Variants in DNM2 observed in about 807,000 individuals in gnomAD.
DNM2 encodes dynamin-2.
DNM2 carries 15 observed loss-of-function variants against 99.0 expected under a neutral mutation model. That is an observed-to-expected ratio of 0.15 (90% confidence interval 0.10 to 0.23). The LOEUF is 0.23. Ranked by LOEUF, DNM2 falls within the 10% of genes least tolerant of loss-of-function variation. The pLI is 1.00. For synonymous variants in DNM2, 525 were observed against 481.2 expected (o/e 1.09, Z -1.19); for missense variants, 742 against 1,189.4 (o/e 0.62, Z 5.53).
Position 10,831,029 on chromosome 19 carries a change from G to T in DNM2, c.2595G>T (p.Glu865Asp). 6.2e-7 allele frequency: 1 copy of T among 1,610,518 alleles called. No individual in the cohort carries two copies. The highest frequency in any genetic ancestry group is 8.5e-7 in the Non-Finnish European group (1 of 1,178,484). The change falls in exon 21 of 21, where the codon GAG becomes GAT. Residue 865 changes from glutamate (E) to aspartate (D), a missense_variant. Around this residue, in one of 7 missense-constraint regions of DNM2, gnomAD observed 187 missense variants for 218.8 expected, o/e 0.85. Transcript: ENST00000389253. The surrounding 1 kb of genome is among the most constrained non-coding windows in gnomAD (Gnocchi z 4.3). ...PSRPTIIRPAEPSLLD is the reference protein window; with the variant it reads ...PSRPTIIRPADPSLLD The stretch of plus-strand genomic sequence containing the variant: ...GGCCCACCATTATCCGCCCAGCCGA[G>T]CCATCCCTGCTCGACTAGGCCTCGA...
chr19:10,766,709 C>G (rs2070808820), intron 2 of DNM2, among the ~76,000 whole-genome samples: 9 of 151,998 alleles, frequency 5.9e-5, no homozygotes, highest in Admixed American at 5.9e-4. Flanking sequence ...GAACCTCTCT[C>G]TGGAAAAACC....
In DNM2 at chr19:10,816,753, T is replaced by C. The variant is rs1249699823; in HGVS notation, c.1672-3227T>C. 6.6e-6 allele frequency among the ~76,000 whole-genome samples: 1 copy of C among 152,224 alleles called. No homozygotes were observed. Among genetic ancestry groups the C allele is most frequent in the East Asian group, 1.9e-4 (1 of 5,198 alleles). On this transcript the variant is annotated intron_variant, in intron 15 of 20. Coordinates refer to ENST00000389253, the MANE Select transcript of DNM2 (RefSeq NM_001005361.3). The surrounding 1 kb of genome is among the most constrained non-coding windows in gnomAD (Gnocchi z 4.6). ...AATGCCAGGCCTGGGGCAGCGAGCC[T>C]TGGAGGAGCCTCTGGGCCTGAACCT...
chr19:10,770,755 A>G (rs2070946580), intron 2 of DNM2, among the ~76,000 whole-genome samples: 1 of 152,162 alleles, frequency 6.6e-6, no homozygotes, highest in Non-Finnish European at 1.5e-5. Context: ...TAAAACCATC[A>G]GATCTCGTGA....
chr19:10,798,451 C>A lies in DNM2; in HGVS notation c.1336-35C>A, dbSNP rs759153023. On this transcript the variant is annotated intron_variant, in intron 10 of 20. Coordinates refer to ENST00000389253, the MANE Select transcript of DNM2 (RefSeq NM_001005361.3). ...CATGTTGCTTCCCGTGCCACGAGGA[C>A]CCCGCCAATGCGACCACTCTGCTTG... 4.3e-6 allele frequency: 7 copies of A among 1,610,418 alleles called. No homozygotes were observed. In the East Asian group the frequency reaches 1.6e-4, roughly 36 times the overall value.
In DNM2 at chr19:10,811,440, G is replaced by T. The variant is rs2072540899; in HGVS notation, c.1558-824G>T. ...CCTGCCATGCCCTGCACTGGGGGAT[G>T]CAGGCCAGCCCTTCGCAGCTGTCCA... On this transcript the variant is annotated intron_variant, in intron 14 of 20. Transcript: ENST00000389253. This position sits in a 1 kb window ranked among gnomAD's most constrained non-coding sequence, Gnocchi z 5.4. 1 of 340,754 alleles carries T rather than the reference G, an allele frequency of 2.9e-6. No homozygotes were observed. The highest frequency in any genetic ancestry group is 5.8e-6 in the Non-Finnish European group (1 of 171,308). The allele number at this position is 340,754 out of a possible 1,614,324, so 21.1% of individuals were successfully genotyped here.
chr19:10,819,649 T>C (rs904890848), intron 15 of DNM2, among the ~76,000 whole-genome samples: 8 of 151,876 alleles, frequency 5.3e-5, no homozygotes, highest in African/African-American at 1.9e-4. Context: ...TGACGTGTTG[T>C]GTGAGGGAAA....
chr19:10,820,779 C>A lies in DNM2; in HGVS notation c.1781+690C>A, dbSNP rs535681886. 1.3e-5 allele frequency among the ~76,000 whole-genome samples: 2 copies of A among 152,322 alleles called. No individual in the cohort carries two copies. Among genetic ancestry groups the A allele is most frequent in the South Asian group, 4.1e-4 (2 of 4,830 alleles). On this transcript the variant is annotated intron_variant, in intron 16 of 20. Transcript: ENST00000389253. This position sits in a 1 kb window ranked among gnomAD's most constrained non-coding sequence, Gnocchi z 4.3. ...GCTCCAGTCTGGGATGTGAACTGGG[C>A]AGTCACCATTGCGTGGATGGTATTT...
At chr19:10,791,204 T>C (rs566975476) in intron 7 of DNM2, among the ~76,000 whole-genome samples, 9 of 152,280 alleles carry the variant, frequency 5.9e-5, no homozygotes, top group African/African-American at 2.2e-4. Flanking sequence ...TTCTTCTGCC[T>C]CAGCCACCTG....
rs202214529 is a variant in DNM2 at position 10,783,021 on chromosome 19, A to G, written c.750A>G (p.Ala250=). ...TTGAGGGCAAGAAGGACATCCGTGC[A>G]GCACTGGCAGCTGAGAGGAAGTTCT... ...KDIEGKKDIR[A]ALAAERKFFL... The change falls in exon 6 of 21, where the codon GCA becomes GCG. Residue 250 remains alanine (A), a synonymous_variant. Coordinates refer to ENST00000389253, the MANE Select transcript of DNM2 (RefSeq NM_001005361.3). 155 of 1,614,016 alleles carry G rather than the reference A, an allele frequency of 9.6e-5. No homozygotes were observed. The highest frequency in any genetic ancestry group is 1.3e-4 in the Non-Finnish European group (153 of 1,180,062).
intron 1 of DNM2, among the ~76,000 whole-genome samples, chr19:10,720,934 A>T (rs1425042286): frequency 3.3e-5 from 5 of 152,100 alleles, no homozygotes. Flanking sequence ...AGAGCAGGAA[A>T]CTGAGGCTCA....
Position 10,828,860 on chromosome 19 carries a change from G to A in DNM2, c.2059-176G>A, listed in dbSNP as rs554188569. 1.3e-3 allele frequency: 859 copies of A among 649,676 alleles called. 7 individuals carry two copies. Among genetic ancestry groups the A allele is most frequent in the Non-Finnish European group, 4.3e-4 (159 of 368,464 alleles). The allele number at this position is 649,676 out of a possible 1,614,324, so 40.2% of individuals were successfully genotyped here. On this transcript the variant is annotated intron_variant, in intron 18 of 20. Coordinates refer to ENST00000389253, the MANE Select transcript of DNM2 (RefSeq NM_001005361.3). ...TAATTACTTGAACCCGGGAGGCGGA[G>A]GTTGCAGTGAGCTGAAATTGAGCCA...
intron 19 of DNM2, 57 bp downstream of exon 19, chr19:10,829,325 C>A: frequency 6.3e-7 from 1 of 1,583,652 alleles, no homozygotes. Context: ...TCCTGCCCTC[C>A]CTGTGTGTCC....
In DNM2 at chr19:10,830,997, C is replaced by T; in HGVS notation, c.2563C>T (p.Pro855Ser). The change falls in exon 21 of 21, where the codon CCC becomes TCC. Residue 855 changes from proline (P) to serine (S), a missense_variant. By Grantham distance (74) the Pro-to-Ser change is moderately conservative. Transcript: ENST00000389253. This position sits in a 1 kb window ranked among gnomAD's most constrained non-coding sequence, Gnocchi z 4.8. The part of the protein sequence containing the change: ...GVPSRRPPAA[P>S]SRPTIIRPAE... The stretch of plus-strand genomic sequence containing the variant: ...TTGCAGCAGAAGACCCCCTGCTGCG[C>T]CCAGCCGGCCCACCATTATCCGCCC... The T allele has an allele frequency of 6.2e-7, 1 of 1,611,988 alleles. No homozygotes were observed. Among genetic ancestry groups the T allele is most frequent in the South Asian group, 1.1e-5 (1 of 90,594 alleles).
At chr19:10,827,501 C>A (rs1190789416) in intron 18 of DNM2, among the ~76,000 whole-genome samples, 5 of 151,328 alleles carry the variant, frequency 3.3e-5, no homozygotes, top group Admixed American at 3.3e-4. Flanking sequence ...CCCAGGAGAT[C>A]GAGGCTGCGG....
chr19:10,828,519 G>C (rs1424257505), intron 18 of DNM2, among the ~76,000 whole-genome samples: 1 of 151,860 alleles, frequency 6.6e-6, no homozygotes, highest in Non-Finnish European at 1.5e-5. Flanking sequence ...CCCGGGAGGC[G>C]GAGGTTGCAG....
chr19:10,719,405 C>T (rs1026014817), intron 1 of DNM2, among the ~76,000 whole-genome samples: 3 of 151,980 alleles, frequency 2.0e-5, no homozygotes, highest in Non-Finnish European at 4.4e-5. Context: ...TCCTTTGGAG[C>T]CTGGGAAGGG....
intron 15 of DNM2, among the ~76,000 whole-genome samples, chr19:10,813,580 T>G (rs888511944): frequency 5.9e-5 from 9 of 151,416 alleles, no homozygotes; most frequent in Admixed American, 5.3e-4. Flanking sequence ...TCCCAGCACT[T>G]TGGGAGGCTG....
chr19:10,721,128 C>T (rs1187365632), intron 1 of DNM2, among the ~76,000 whole-genome samples: 1 of 152,006 alleles, frequency 6.6e-6, no homozygotes, highest in Non-Finnish European at 1.5e-5. Flanking sequence ...CTGTGGCGAC[C>T]TCCTAGAATC....
At chr19:10,733,852 C>CA (rs1206755176) in intron 1 of DNM2, among the ~76,000 whole-genome samples, 20 of 151,382 alleles carry the variant, frequency 1.3e-4, no homozygotes, top group Non-Finnish European at 2.4e-4. Flanking sequence ...ACTAAAAATA[C>CA]AAAAAATTAG....
Sources: allele counts gnomAD v4.1 joint callset (sites outside exome capture counted in the v4.1 genomes callset), GRCh38; gene constraint gnomAD v4.1.1; regional missense constraint gnomAD v4.1.1; non-coding constraint Gnocchi (gnomAD v3.1); transcripts MANE v1.5; gene names NCBI Gene and HGNC (gene_info 2026-07-23, HGNC 2026-07-21).